Variants in IFT81 observed in about 807,000 individuals in gnomAD.
IFT81 encodes intraflagellar transport protein 81 homolog.
IFT81 carries 72 observed loss-of-function variants against 102.6 expected under a neutral mutation model. The ratio of observed to expected loss-of-function variants is 0.70; its 90% confidence interval spans 0.58 to 0.85. The LOEUF is 0.85. Ranked by LOEUF, IFT81 falls within the 40% of genes least tolerant of loss-of-function variation. The pLI is 0.00. For synonymous variants in IFT81, 237 were observed against 242.7 expected, an observed-to-expected ratio of 0.98 and a Z score of 0.22; for missense variants, 723 against 787.3, an observed-to-expected ratio of 0.92 and a Z score of 0.98.
rs755755942 is a variant in IFT81 at position 110,180,537 on chromosome 12, T to C, written c.1304T>C (p.Leu435Pro). ...FGLLQRTEEL[L>P]KQRHENIQQQ... is the part of the protein sequence containing the mutation. The stretch of plus-strand genomic sequence containing the variant: ...CTTTTGCAGAGGACTGAAGAACTTC[T>C]TAAGCAACGTCATGAAAATATTCAA... The change falls in exon 12 of 19, where the codon CTT (leucine) becomes CCT (proline). Residue 435 changes from leucine to proline, a missense_variant. Physicochemically the swap from Leu to Pro is moderately conservative, Grantham distance 98. Coordinates refer to ENST00000242591, the MANE Select transcript of IFT81 (RefSeq NM_014055.4). 3.1e-6 allele frequency: 5 copies of C among 1,606,934 alleles called. No individual in the cohort carries two copies. The Admixed American group carries it at 8.3e-5, about 27-fold the overall frequency.
intron 9 of IFT81, among the ~76,000 whole-genome samples, chr12:110,146,299 A>T (rs932624252): frequency 6.6e-6 from 1 of 152,214 alleles, no homozygotes; most frequent in African/African-American, 2.4e-5. Context: ...AGGATAAATG[A>T]TAGTTATCGA....
At chr12:110,131,544 C>T (rs1894163958) in intron 4 of IFT81, among the ~76,000 whole-genome samples, 2 of 151,948 alleles carry the variant, frequency 1.3e-5, no homozygotes, top group African/African-American at 4.8e-5. Flanking sequence ...GACAGGGTTT[C>T]ACCATGTTGG....
intron 5 of IFT81, 152 bp downstream of exon 5, chr12:110,132,788 C>A (rs950203239): frequency 2.0e-6 from 1 of 508,870 alleles, no homozygotes; most frequent in African/African-American, 2.0e-5. Context: ...TTGGTAGTTC[C>A]TTACTGATGA....
At chr12:110,158,347 G>A (rs1895956351) in intron 10 of IFT81, among the ~76,000 whole-genome samples, 1 of 151,972 alleles carries the variant, frequency 6.6e-6, no homozygotes, top group Non-Finnish European at 1.5e-5. Flanking sequence ...TCCCAAAGTG[G>A]TAGGATTACA....
intron 11 of IFT81, among the ~76,000 whole-genome samples, chr12:110,171,181 C>A (rs1896707353): frequency 6.6e-6 from 1 of 152,052 alleles, no homozygotes; most frequent in Admixed American, 6.6e-5. Flanking sequence ...TGGCTCAGTT[C>A]ACTGTAATAG....
rs1223082912 is a variant in IFT81, at chr12:110,174,297, A to T, written c.1189-6125A>T. 2.5e-4 allele frequency among the ~76,000 whole-genome samples: 38 copies of T among 149,450 alleles called. 1 individual carries two copies. Among genetic ancestry groups the T allele is most frequent in the Non-Finnish European group, 4.3e-4 (29 of 67,250 alleles). Reference sequence around the variant, plus strand: ...CGTCTCAAAAAAAAAAAAAAAAAAAAAAAAAAAAAATTAGCCGGGTGTGGT... The same window carrying T: ...CGTCTCAAAAAAAAAAAAAAAAAAATAAAAAAAAAATTAGCCGGGTGTGGT... On this transcript the variant is annotated intron_variant, in intron 11 of 18. Coordinates refer to ENST00000242591, the MANE Select transcript of IFT81 (RefSeq NM_014055.4).
At chr12:110,139,587 A>G (rs940423093) in intron 8 of IFT81, among the ~76,000 whole-genome samples, 4 of 151,316 alleles carry the variant, frequency 2.6e-5, no homozygotes, top group Non-Finnish European at 4.4e-5. Context: ...CCTGGCTAAC[A>G]TGGTGAAACC....
At chr12:110,172,737 C>A (rs1378778914) in intron 11 of IFT81, among the ~76,000 whole-genome samples, 2 of 152,202 alleles carry the variant, frequency 1.3e-5, no homozygotes. Context: ...CGTGTCGCTA[C>A]AACCTCCACC....
intron 9 of IFT81, among the ~76,000 whole-genome samples, chr12:110,144,918 T>C (rs923635346): frequency 7.0e-6 from 1 of 142,256 alleles, no homozygotes; most frequent in East Asian, 2.1e-4. Context: ...CAGGCTGGAG[T>C]GCAGTGGCAC....
At chr12:110,207,776 G>A (rs1278259701) in intron 17 of IFT81, among the ~76,000 whole-genome samples, 2 of 151,822 alleles carry the variant, frequency 1.3e-5, no homozygotes, top group African/African-American at 4.8e-5. Flanking sequence ...TGTTAGCCAG[G>A]ATGGTCTCGA....
chr12:110,153,287 T>C (rs372049408), intron 10 of IFT81, among the ~76,000 whole-genome samples: 1 of 152,242 alleles, frequency 6.6e-6, no homozygotes, highest in African/African-American at 2.4e-5. Flanking sequence ...CAGGCTGGAG[T>C]GCAATGGCGT....
intron 14 of IFT81, 128 bp downstream of exon 14, chr12:110,192,834 C>A (rs548173291): frequency 2.3e-5 from 13 of 555,488 alleles, no homozygotes; most frequent in Non-Finnish European, 3.9e-5. Context: ...ATCATTATTA[C>A]GTTATTGATA....
intron 14 of IFT81, among the ~76,000 whole-genome samples, chr12:110,198,743 C>T (rs1898127795): frequency 6.6e-6 from 1 of 151,520 alleles, no homozygotes; most frequent in African/African-American, 2.4e-5. Context: ...TTATTTCATC[C>T]ACTTAATTTT....
chr12:110,190,255 C>G (rs1402150342), intron 12 of IFT81, among the ~76,000 whole-genome samples: 2 of 152,102 alleles, frequency 1.3e-5, no homozygotes, highest in East Asian at 3.9e-4. Flanking sequence ...CATGTAACCC[C>G]TCCTTCACCC....
chr12:110,215,259 G>A (rs531346706), intron 18 of IFT81, among the ~76,000 whole-genome samples: 1 of 151,692 alleles, frequency 6.6e-6, no homozygotes, highest in African/African-American at 2.4e-5. Context: ...CTGCCTCTGT[G>A]TCTCTGCTTG....
At chr12:110,160,466 G>A (rs1896074753) in intron 10 of IFT81, among the ~76,000 whole-genome samples, 1 of 152,214 alleles carries the variant, frequency 6.6e-6, no homozygotes, top group African/African-American at 2.4e-5. Flanking sequence ...GAGGAAGAAA[G>A]AGAGCCAGTA....
At chr12:110,170,415 G>C (rs1000954964) in intron 11 of IFT81, among the ~76,000 whole-genome samples, 9 of 152,202 alleles carry the variant, frequency 5.9e-5, no homozygotes, top group Admixed American at 2.6e-4. Context: ...AGCAATCTCA[G>C]CTTGAAGACT....
chr12:110,179,860 A>G (rs1007918346), intron 11 of IFT81, among the ~76,000 whole-genome samples: 1 of 146,330 alleles, frequency 6.8e-6, no homozygotes, highest in African/African-American at 2.5e-5. Flanking sequence ...TATATAATAT[A>G]TGTACATATA....
At chr12:110,179,962 C>A (rs1897249723) in intron 11 of IFT81, among the ~76,000 whole-genome samples, 1 of 149,672 alleles carries the variant, frequency 6.7e-6, no homozygotes, top group African/African-American at 2.4e-5. Flanking sequence ...TAAAGGAATT[C>A]ATTTGGTAAG....
Sources: allele counts gnomAD v4.1 joint callset (sites outside exome capture counted in the v4.1 genomes callset), GRCh38; gene constraint gnomAD v4.1.1; transcripts MANE v1.5; gene names NCBI Gene and HGNC (gene_info 2026-07-23, HGNC 2026-07-21).